The following TENM3 variants were observed in gnomAD, a reference collection of about 807,000 sequenced individuals.
TENM3 encodes teneurin transmembrane protein 3, also known as teneurin-3.
TENM3 carries 63 observed loss-of-function variants against 255.1 expected under a neutral mutation model. That is an observed-to-expected ratio of 0.25 (90% CI 0.20 to 0.30). The LOEUF is 0.30. Among genes scored for constraint, TENM3 ranks in the 10% least tolerant of loss-of-function variants. The pLI is 1.00. For missense variants in TENM3, 2,929 were observed against 3,461.1 expected (o/e 0.85, Z 3.86); for synonymous variants, 1,306 against 1,322.3 (o/e 0.99, Z 0.27).
chr4:182,474,194 C>T (rs995087144), intron 3 of TENM3, among the ~76,000 whole-genome samples: 11 of 152,008 alleles, frequency 7.2e-5, no homozygotes, highest in Non-Finnish European at 1.5e-4. Context: ...CTTACCTACC[C>T]CTTAGAAATT....
chr4:182,346,416 T>C (rs895334115), intron 2 of TENM3, among the ~76,000 whole-genome samples: 7 of 152,182 alleles, frequency 4.6e-5, no homozygotes, highest in Non-Finnish European at 8.8e-5. Context: ...GAGGTACTTA[T>C]GGGCTTAAAG....
the TENM3 span, among the ~76,000 whole-genome samples, chr4:182,113,776 AT>A: frequency 6.6e-6 from 1 of 152,088 alleles, no homozygotes; most frequent in Non-Finnish European, 1.5e-5. Context: ...TTAATTAAAG[AT>A]TTTTACTTTG....
At chr4:181,679,610 T>C in the TENM3 span, among the ~76,000 whole-genome samples, 1 of 152,258 alleles carries the variant, frequency 6.6e-6, no homozygotes, top group Non-Finnish European at 1.5e-5. Context: ...GCTATTTTTA[T>C]CAGGACTAGA....
At chr4:181,560,240 C>T in the TENM3 span, among the ~76,000 whole-genome samples, 4 of 152,180 alleles carry the variant, frequency 2.6e-5, no homozygotes, top group African/African-American at 9.6e-5. Flanking sequence ...AGTGAGGGAG[C>T]TCTGTTTTGT....
the TENM3 span, among the ~76,000 whole-genome samples, chr4:181,828,881 C>T: frequency 2.6e-5 from 4 of 152,166 alleles, no homozygotes; most frequent in African/African-American, 7.2e-5. Flanking sequence ...TGAGCCACTG[C>T]ACCCATCCCC....
the TENM3 span, among the ~76,000 whole-genome samples, chr4:182,078,552 T>C: frequency 6.6e-6 from 1 of 151,932 alleles, no homozygotes; most frequent in African/African-American, 2.4e-5. Context: ...AAAACAAAAC[T>C]GGACATCCGA....
At chr4:181,594,148 C>T in the TENM3 span, among the ~76,000 whole-genome samples, 13,577 of 151,872 alleles carry the variant, frequency 0.089, 742 homozygotes, top group Middle Eastern at 0.13. Context: ...AAACATGTAA[C>T]GATTTAAAAC....
chr4:181,681,209 G>A, the TENM3 span, among the ~76,000 whole-genome samples: 1 of 152,020 alleles, frequency 6.6e-6, no homozygotes, highest in Admixed American at 6.6e-5. Context: ...AAAGACTTTG[G>A]AGGTCAAATC....
the TENM3 span, among the ~76,000 whole-genome samples, chr4:182,128,369 G>T: frequency 6.6e-6 from 1 of 151,728 alleles, no homozygotes; most frequent in Admixed American, 6.6e-5. Context: ...TTAAGAGACG[G>T]GTCTTGCTAT....
At chr4:182,386,938 A>G (rs1177510704) in intron 3 of TENM3, among the ~76,000 whole-genome samples, 1 of 152,232 alleles carries the variant, frequency 6.6e-6, no homozygotes, top group Non-Finnish European at 1.5e-5. Flanking sequence ...GAGTGCGAGC[A>G]CATGGCGCGG....
At chr4:182,636,204 G>A (rs1048410846) in intron 5 of TENM3, among the ~76,000 whole-genome samples, 2 of 152,160 alleles carry the variant, frequency 1.3e-5, no homozygotes, top group African/African-American at 4.8e-5. Context: ...AGGAAAAAAT[G>A]TGTTGCCTAT....
intron 1 of TENM3, among the ~76,000 whole-genome samples, chr4:182,233,379 T>C (rs1468856756): frequency 1.3e-5 from 2 of 152,226 alleles, no homozygotes; most frequent in Non-Finnish European, 1.5e-5. Flanking sequence ...TTAATTTGAC[T>C]TGGGAACCTG....
At chr4:181,630,291 C>T in the TENM3 span, among the ~76,000 whole-genome samples, 2 of 151,624 alleles carry the variant, frequency 1.3e-5, no homozygotes, top group African/African-American at 2.4e-5. Flanking sequence ...AAAACCAGCT[C>T]CTGGATTCAT....
At chr4:182,177,720 G>A (rs1752588028) in intron 1 of TENM3, among the ~76,000 whole-genome samples, 1 of 151,370 alleles carries the variant, frequency 6.6e-6, no homozygotes. Flanking sequence ...TAGAGACAGG[G>A]TTTCACCATG....
At chr4:181,483,200 G>A in the TENM3 span, among the ~76,000 whole-genome samples, 3 of 152,080 alleles carry the variant, frequency 2.0e-5, no homozygotes, top group African/African-American at 7.2e-5. Context: ...AGACTAAATT[G>A]TCCAGAACCT....
chr4:181,817,297 T>A, the TENM3 span, among the ~76,000 whole-genome samples: 2 of 152,152 alleles, frequency 1.3e-5, no homozygotes, highest in South Asian at 4.2e-4. Flanking sequence ...GCCACAGGGG[T>A]CATTATAGGA....
the TENM3 span, among the ~76,000 whole-genome samples, chr4:181,756,790 G>T: frequency 5.9e-5 from 9 of 152,192 alleles, no homozygotes; most frequent in African/African-American, 1.9e-4. Context: ...CCTGTCTAGG[G>T]CATTCCACTA....
At chr4:181,541,146 G>A in the TENM3 span, among the ~76,000 whole-genome samples, 1 of 152,166 alleles carries the variant, frequency 6.6e-6, no homozygotes, top group African/African-American at 2.4e-5. Flanking sequence ...GGCTGAGGCT[G>A]GAGGACTGCT....
chr4:181,805,082 A>G, the TENM3 span, among the ~76,000 whole-genome samples: 3 of 152,088 alleles, frequency 2.0e-5, no homozygotes, highest in African/African-American at 4.8e-5. Context: ...GCAGCCTCCT[A>G]AGAGTTCTGC....
Sources: allele counts gnomAD v4.1 joint callset (sites outside exome capture counted in the v4.1 genomes callset), GRCh38; gene constraint gnomAD v4.1.1; transcripts MANE v1.5; gene names NCBI Gene and HGNC (gene_info 2026-07-23, HGNC 2026-07-21).